GPC4: variants seen among roughly 807,000 people sequenced by gnomAD.
GPC4 encodes glypican 4.
GPC4 carries 10 observed loss-of-function variants against 35.0 expected under a neutral mutation model. That is an observed-to-expected ratio of 0.29 (90% CI 0.18 to 0.48). The LOEUF is 0.48. Among genes scored for constraint, GPC4 ranks in the 20% least tolerant of loss-of-function variants. GPC4 has a pLI of 0.99. For missense variants in GPC4, 322 were observed against 451.3 expected (o/e 0.71, Z 2.60); for synonymous variants, 167 against 170.2 (o/e 0.98, Z 0.15).
At chrX:133,324,611 A>G (rs1370126493) in intron 2 of GPC4, 75 bp from the exon 3 acceptor site, 2 of 959,478 alleles carry the variant, frequency 2.1e-6, no homozygotes, top group South Asian at 2.8e-5. Flanking sequence ...CTGCTTTTCC[A>G]GTAAATTTGA....
intron 1 of GPC4, among the ~76,000 whole-genome samples, chrX:133,394,320 C>T (rs778408749): frequency 3.0e-4 from 33 of 109,877 alleles, no homozygotes; most frequent in South Asian, 3.9e-4. Context: ...AAGACTGGAT[C>T]GTGATATGTA....
intron 1 of GPC4, among the ~76,000 whole-genome samples, chrX:133,393,496 A>AG (rs908953261): frequency 5.3e-5 from 5 of 94,630 alleles, no homozygotes; most frequent in Non-Finnish European, 8.2e-5. Context: ...TTAGAGAGAG[A>AG]AAAAAAAAAA....
At chrX:133,305,983 G>A (rs751355281) in intron 5 of GPC4, 41 bp downstream of exon 5, 2 of 1,210,119 alleles carry the variant, frequency 1.7e-6, no homozygotes, top group East Asian at 5.9e-5. Flanking sequence ...GGAGGCGGGG[G>A]AGGTCCCTAG....
At chrX:133,311,775 G>C (rs2068315523) in intron 3 of GPC4, among the ~76,000 whole-genome samples, 1 of 111,041 alleles carries the variant, frequency 9.0e-6, no homozygotes, top group South Asian at 3.9e-4. Flanking sequence ...GGTGAGCCAT[G>C]AGATGCAGTG....
chrX:133,347,151 AT>A (rs1569347671), intron 1 of GPC4, among the ~76,000 whole-genome samples: 1 of 108,512 alleles, frequency 9.2e-6, no homozygotes, highest in African/African-American at 3.4e-5. Flanking sequence ...ACCCACCCTA[AT>A]GTAAGATGTT....
chrX:133,319,079 C>T (rs1034683415), intron 3 of GPC4, among the ~76,000 whole-genome samples: 1 of 111,974 alleles, frequency 8.9e-6, no homozygotes, highest in African/African-American at 3.2e-5. Context: ...GACATCCACT[C>T]ACGAAGAGAA....
intron 1 of GPC4, among the ~76,000 whole-genome samples, chrX:133,373,388 G>GACAGACACACAC (rs747274662): frequency 9.3e-6 from 1 of 107,113 alleles, no homozygotes; most frequent in African/African-American, 3.4e-5. Context: ...GGTTATTGAA[G>GACAGACACACAC]ACACACACAC....
At chrX:133,367,037 T>C (rs951809089) in intron 1 of GPC4, among the ~76,000 whole-genome samples, 11 of 112,286 alleles carry the variant, frequency 9.8e-5, no homozygotes, top group African/African-American at 3.6e-4. Context: ...AGGGGGTATC[T>C]GGACTCCAGA....
Position 133,303,344 on chromosome X carries a change from G to A in GPC4, c.1293-3C>T, listed in dbSNP as rs377135427. 2.7e-4 allele frequency: 324 copies of A among 1,199,314 alleles called. 1 individual carries two copies. Among genetic ancestry groups the A allele is most frequent in the Non-Finnish European group, 2.2e-4 (192 of 889,631 alleles). On this transcript the variant is annotated splice_region_variant and splice_polypyrimidine_tract_variant and intron_variant, in intron 7 of 8. Coordinates refer to ENST00000370828, the MANE Select transcript of GPC4 (RefSeq NM_001448.3). Reference sequence around the variant, plus strand: ...TTCCTGTCACTGCAAACAGGTACCTGGAATGTAAAATGACCCCAGTAAGAT... The same window carrying A: ...TTCCTGTCACTGCAAACAGGTACCTAGAATGTAAAATGACCCCAGTAAGAT...
intron 1 of GPC4, among the ~76,000 whole-genome samples, chrX:133,388,646 A>G (rs2068704264): frequency 9.2e-6 from 1 of 108,773 alleles, no homozygotes; most frequent in African/African-American, 3.4e-5. Context: ...ACAGGTGCCC[A>G]CCACTATGCC....
chrX:133,329,947 T>C (rs2068411572), intron 2 of GPC4, among the ~76,000 whole-genome samples: 1 of 111,744 alleles, frequency 8.9e-6, no homozygotes, highest in Non-Finnish European at 1.9e-5. Context: ...CCCCAGCTAC[T>C]TGTCTTGCAT....
chrX:133,336,599 G>T (rs186076513), intron 2 of GPC4, among the ~76,000 whole-genome samples: 244 of 110,597 alleles, frequency 2.2e-3, no homozygotes, highest in African/African-American at 7.6e-3. Flanking sequence ...GATTTGGTGG[G>T]TACCAGTCAA....
At chrX:133,322,786 CTGT>C (rs1274639652) in intron 3 of GPC4, among the ~76,000 whole-genome samples, 1 of 112,348 alleles carries the variant, frequency 8.9e-6, no homozygotes, top group African/African-American at 3.2e-5. Flanking sequence ...GCAGAATCTG[CTGT>C]TGTTGTGCAT....
intron 3 of GPC4, among the ~76,000 whole-genome samples, chrX:133,322,491 T>C (rs891329255): frequency 9.7e-6 from 1 of 102,973 alleles, no homozygotes; most frequent in East Asian, 3.0e-4. Flanking sequence ...GCCTGGGAAG[T>C]GGAGGTTGCA....
intron 1 of GPC4, among the ~76,000 whole-genome samples, chrX:133,348,872 T>G (rs758635178): frequency 9.9e-4 from 111 of 112,161 alleles, no homozygotes; most frequent in African/African-American, 3.3e-3. Flanking sequence ...TTGGTGAATT[T>G]TTCTCATACT....
At chrX:133,394,269 CA>C (rs1039109462) in intron 1 of GPC4, among the ~76,000 whole-genome samples, 7 of 104,971 alleles carry the variant, frequency 6.7e-5, no homozygotes, top group Non-Finnish European at 9.8e-5. Context: ...GATTCTGTCT[CA>C]AAAAAAAATA....
chrX:133,374,190 G>A (rs2124161178), intron 1 of GPC4, among the ~76,000 whole-genome samples: 1 of 111,487 alleles, frequency 9.0e-6, no homozygotes, highest in South Asian at 3.9e-4. Context: ...CAACGTGGGG[G>A]AGAGTCTGAG....
At chrX:133,379,956 G>T (rs2068653408) in intron 1 of GPC4, among the ~76,000 whole-genome samples, 1 of 111,192 alleles carries the variant, frequency 9.0e-6, no homozygotes, top group South Asian at 3.8e-4. Flanking sequence ...TGGAGACTGA[G>T]GAGTCCTGAA....
chrX:133,394,730 A>T (rs2068734928), intron 1 of GPC4, among the ~76,000 whole-genome samples: 1 of 111,461 alleles, frequency 9.0e-6, no homozygotes, highest in Non-Finnish European at 1.9e-5. Flanking sequence ...CACAAGAAAG[A>T]AGCAGTTACC....
Sources: gnomAD v4.1 joint callset for allele counts (sites outside exome capture counted in the v4.1 genomes callset) on GRCh38, gnomAD v4.1.1 for gene constraint, MANE v1.5 for transcripts, NCBI Gene and HGNC (gene_info 2026-07-23, HGNC 2026-07-21) for gene names.